Variants in NSMCE2 observed in about 807,000 individuals in gnomAD.
NSMCE2 encodes the protein NSE2 SUMO ligase component of SMC5/6 complex.
In NSMCE2, 24 loss-of-function variants were observed where a neutral mutation model predicts 23.8. The observed-to-expected ratio is 1.01, with a 90% confidence interval of 0.73 to 1.42. The LOEUF (loss-of-function observed/expected upper bound fraction) is 1.42. Among genes scored for constraint, NSMCE2 ranks in the 40% most tolerant of loss-of-function variants. The pLI is 0.00. For missense variants in NSMCE2, 284 were observed against 296.5 expected (o/e 0.96, Z 0.31); for synonymous variants, 92 against 94.1 (o/e 0.98, Z 0.13).
intron 7 of NSMCE2, among the ~76,000 whole-genome samples, chr8:125,359,330 CTT>C (rs34421417): frequency 1.7e-3 from 173 of 102,882 alleles, no homozygotes; most frequent in Middle Eastern, 7.1e-3. Context: ...TGCTCTTTCT[CTT>C]TTTTTTTTTT....
At chr8:125,126,050 G>C (rs1484978369) in intron 3 of NSMCE2, among the ~76,000 whole-genome samples, 1 of 152,090 alleles carries the variant, frequency 6.6e-6, no homozygotes, top group East Asian at 1.9e-4. Context: ...ATCTTCCAGG[G>C]TTTTGTTCAT....
chr8:125,160,450 G>A (rs553309341), intron 4 of NSMCE2, among the ~76,000 whole-genome samples: 3 of 152,268 alleles, frequency 2.0e-5, no homozygotes, highest in African/African-American at 4.8e-5. Flanking sequence ...CTCTTTCCTC[G>A]GAAGGGGTTG....
intron 5 of NSMCE2, among the ~76,000 whole-genome samples, chr8:125,227,966 T>G (rs1825172098): frequency 6.6e-6 from 1 of 152,208 alleles, no homozygotes; most frequent in African/African-American, 2.4e-5. Context: ...GTGCCATTGA[T>G]TTATTCCTCT....
intron 3 of NSMCE2, among the ~76,000 whole-genome samples, chr8:125,150,140 C>T (rs1820916389): frequency 6.6e-6 from 1 of 152,112 alleles, no homozygotes; most frequent in African/African-American, 2.4e-5. Context: ...TTTCTCTTCC[C>T]TTTTCCCTGT....
intron 5 of NSMCE2, among the ~76,000 whole-genome samples, chr8:125,250,115 A>G (rs138052411): frequency 2.0e-5 from 3 of 152,064 alleles, no homozygotes; most frequent in Admixed American, 1.3e-4. Context: ...TCAGCCTCCC[A>G]AGTAGCTGGT....
At chr8:125,308,397 T>G (rs1828842330) in intron 5 of NSMCE2, among the ~76,000 whole-genome samples, 1 of 152,226 alleles carries the variant, frequency 6.6e-6, no homozygotes, top group African/African-American at 2.4e-5. Flanking sequence ...CGCCTAATGG[T>G]CTTCTTGAGT....
At chr8:125,215,439 CATT>C (rs1824539814) in intron 5 of NSMCE2, among the ~76,000 whole-genome samples, 1 of 151,720 alleles carries the variant, frequency 6.6e-6, no homozygotes, top group African/African-American at 2.4e-5. Flanking sequence ...TCCAGTCTAT[CATT>C]GTTGGACATT....
At chr8:125,297,960 CA>C (rs1828394199) in intron 5 of NSMCE2, among the ~76,000 whole-genome samples, 1 of 152,082 alleles carries the variant, frequency 6.6e-6, no homozygotes, top group Non-Finnish European at 1.5e-5. Context: ...CACATGATAG[CA>C]AAAATAATGC....
At chr8:125,197,635 G>A (rs1823681847) in intron 5 of NSMCE2, among the ~76,000 whole-genome samples, 1 of 152,142 alleles carries the variant, frequency 6.6e-6, no homozygotes, top group South Asian at 2.1e-4. Context: ...GTAGCCCACA[G>A]CTTTGTTCTT....
chr8:125,316,732 T>TTCCTTCCTTCCTTCCTTCCTTCCTTCC (rs1554637205), intron 5 of NSMCE2, among the ~76,000 whole-genome samples: 6 of 102,472 alleles, frequency 5.9e-5, no homozygotes, highest in African/African-American at 2.3e-4. Flanking sequence ...CTTTCCTTCT[T>TTCCTTCCTTCCTTCCTTCCTTCCTTCC]TTCCTTCCTT....
intron 5 of NSMCE2, among the ~76,000 whole-genome samples, chr8:125,266,023 G>A (rs946463268): frequency 6.6e-6 from 1 of 151,836 alleles, no homozygotes; most frequent in Admixed American, 6.6e-5. Flanking sequence ...ACAAAATCCT[G>A]TGACCCGAAT....
At position 125,158,165 on chromosome 8, in the gene NSMCE2, G is replaced by A. The variant is rs183117478; in HGVS notation, c.264+6888G>A. Reference sequence around the variant, plus strand: ...GAGATAGGTCCAGCACTTTGTGGCAGAGTTTCTTGTGGCATCCAGAAAACT... The same window carrying A: ...GAGATAGGTCCAGCACTTTGTGGCAAAGTTTCTTGTGGCATCCAGAAAACT... On this transcript the variant is annotated intron_variant, in intron 4 of 7. Transcript: ENST00000287437. 1.6e-3 allele frequency among the ~76,000 whole-genome samples: 246 copies of A among 152,242 alleles called. 1 individual carries two copies. The highest frequency in any genetic ancestry group is 5.7e-3 in the African/African-American group (238 of 41,548).
intron 3 of NSMCE2, among the ~76,000 whole-genome samples, chr8:125,150,413 C>CTTTTTTTTTTTTTTTTTTTTT (rs1820931525): frequency 1.0e-5 from 1 of 98,450 alleles, no homozygotes; most frequent in Non-Finnish European, 2.2e-5. Context: ...TTCTTTTTTT[C>CTTTTTTTTTTTTTTTTTTTTT]TTTTCTTTCT....
At chr8:125,182,402 T>A (rs771588591) in intron 5 of NSMCE2, 146 bp downstream of exon 5, 1 of 720,610 alleles carries the variant, frequency 1.4e-6, no homozygotes, top group Non-Finnish European at 2.4e-6. Flanking sequence ...TTGTTGCAAT[T>A]CTGTATTTTG....
At chr8:125,298,687 GTTTT>G (rs35334691) in intron 5 of NSMCE2, among the ~76,000 whole-genome samples, 55 of 85,946 alleles carry the variant, frequency 6.4e-4, no homozygotes, top group African/African-American at 1.9e-3. Flanking sequence ...TCATCTGTGG[GTTTT>G]TTTTTGTTTT....
chr8:125,133,800 A>G (rs934887586), intron 3 of NSMCE2, among the ~76,000 whole-genome samples: 1 of 152,198 alleles, frequency 6.6e-6, no homozygotes, highest in African/African-American at 2.4e-5. Context: ...AAGAAAAAGA[A>G]AAAAGAAATT....
At chr8:125,315,726 T>G (rs143887983) in intron 5 of NSMCE2, among the ~76,000 whole-genome samples, 1 of 152,196 alleles carries the variant, frequency 6.6e-6, no homozygotes, top group Non-Finnish European at 1.5e-5. Context: ...AGTATGACTT[T>G]TTAGCAATTA....
At chr8:125,103,509 T>C (rs936276052) in intron 3 of NSMCE2, among the ~76,000 whole-genome samples, 4 of 152,196 alleles carry the variant, frequency 2.6e-5, no homozygotes, top group South Asian at 2.1e-4. Flanking sequence ...TGTCAGCTTA[T>C]AGTTTTTTGA....
At chr8:125,156,255 C>G (rs1311248728) in intron 4 of NSMCE2, 1 of 157,786 alleles carries the variant, frequency 6.3e-6, no homozygotes, top group Non-Finnish European at 1.4e-5. Flanking sequence ...CATTTTACCT[C>G]TTAAAAGAAT....
Sources: allele counts gnomAD v4.1 joint callset (sites outside exome capture counted in the v4.1 genomes callset), GRCh38; gene constraint gnomAD v4.1.1; transcripts MANE v1.5; gene names NCBI Gene and HGNC (gene_info 2026-07-23, HGNC 2026-07-21).